ROBO1: variants seen among roughly 807,000 people sequenced by gnomAD.
The protein encoded by ROBO1 is roundabout homolog 1.
In ROBO1, 149 loss-of-function variants were observed where a neutral mutation model predicts 195.9. That is an observed-to-expected ratio of 0.76 (90% CI 0.67 to 0.87). ROBO1 has a LOEUF of 0.87. Among genes scored for constraint, ROBO1 ranks in the 40% least tolerant of loss-of-function variants. The pLI is 0.00. For synonymous variants in ROBO1, 816 were observed against 733.2 expected, an observed-to-expected ratio of 1.11 and a Z score of -1.82; for missense variants, 1,933 against 2,068.3, an observed-to-expected ratio of 0.93 and a Z score of 1.27.
At chr3:79,475,586 GT>G (rs1938509941) in intron 2 of ROBO1, among the ~76,000 whole-genome samples, 1 of 151,968 alleles carries the variant, frequency 6.6e-6, no homozygotes, top group African/African-American at 2.4e-5. Context: ...TTGGAGGAGA[GT>G]ATTTTGGAAT....
chr3:79,290,222 C>T (rs1197260890), intron 2 of ROBO1, among the ~76,000 whole-genome samples: 3 of 151,902 alleles, frequency 2.0e-5, no homozygotes, highest in African/African-American at 7.3e-5. Context: ...TTAGTAGAGA[C>T]AGGGTTTCAC....
At chr3:78,885,412 T>A (rs1328462090) in intron 4 of ROBO1, among the ~76,000 whole-genome samples, 363 of 53,704 alleles carry the variant, frequency 6.8e-3, no homozygotes, top group Middle Eastern at 0.056. Flanking sequence ...AATTTAAAAC[T>A]AAAAAAAAAA....
intron 2 of ROBO1, among the ~76,000 whole-genome samples, chr3:79,314,041 C>T (rs368396237): frequency 1.2e-4 from 18 of 152,084 alleles, no homozygotes; most frequent in African/African-American, 4.1e-4. Flanking sequence ...GAGATATATC[C>T]TAAAGTTCAG....
chr3:78,681,697 G>A (rs550355088), intron 10 of ROBO1, among the ~76,000 whole-genome samples: 2 of 152,228 alleles, frequency 1.3e-5, no homozygotes, highest in South Asian at 2.1e-4. Context: ...GAGGTCAGGA[G>A]ATCAAGACCA....
chr3:79,557,741 A>ATATATATATAT (rs1487088851), intron 2 of ROBO1, among the ~76,000 whole-genome samples: 1 of 105,972 alleles, frequency 9.4e-6, no homozygotes, highest in Non-Finnish European at 1.9e-5. Context: ...AAAACAAAAA[A>ATATATATATAT]AAATATATAT....
chr3:79,576,307 C>T (rs1943484321), intron 2 of ROBO1, among the ~76,000 whole-genome samples: 1 of 151,974 alleles, frequency 6.6e-6, no homozygotes, highest in African/African-American at 2.4e-5. Context: ...TATTTTCAGT[C>T]ATTGACTTCA....
chr3:79,335,427 G>A (rs1450276314), intron 2 of ROBO1, among the ~76,000 whole-genome samples: 1 of 152,054 alleles, frequency 6.6e-6, no homozygotes, highest in Admixed American at 6.5e-5. Flanking sequence ...TGAATCATGG[G>A]GACAGTTTCC....
intron 3 of ROBO1, among the ~76,000 whole-genome samples, chr3:78,982,574 A>C (rs1219906447): frequency 6.6e-6 from 1 of 152,208 alleles, no homozygotes; most frequent in African/African-American, 2.4e-5. Context: ...TGCTGACTTA[A>C]AGTCATTTAC....
At chr3:79,673,253 T>C (rs1022605263) in intron 1 of ROBO1, among the ~76,000 whole-genome samples, 2 of 152,010 alleles carry the variant, frequency 1.3e-5, no homozygotes, top group African/African-American at 4.8e-5. Flanking sequence ...GTTTTAATCA[T>C]GCAGTAACAA....
At chr3:78,764,809 A>C (rs762076887) in intron 4 of ROBO1, among the ~76,000 whole-genome samples, 1 of 152,170 alleles carries the variant, frequency 6.6e-6, no homozygotes, top group African/African-American at 2.4e-5. Context: ...CATAATTGCT[A>C]CCTGTCACAG....
intron 2 of ROBO1, among the ~76,000 whole-genome samples, chr3:79,255,759 T>A (rs1168502476): frequency 1.3e-5 from 2 of 152,096 alleles, no homozygotes; most frequent in Non-Finnish European, 2.9e-5. Flanking sequence ...TAATGTCAAA[T>A]ATTAATCATT....
At chr3:79,639,055 T>C (rs1209359287) in intron 1 of ROBO1, among the ~76,000 whole-genome samples, 6 of 152,216 alleles carry the variant, frequency 3.9e-5, no homozygotes, top group African/African-American at 7.2e-5. Context: ...TTCACTTGCA[T>C]AGCATCAATG....
At chr3:79,588,354 C>T (rs1324589669) in intron 2 of ROBO1, among the ~76,000 whole-genome samples, 2 of 151,566 alleles carry the variant, frequency 1.3e-5, no homozygotes, top group East Asian at 3.9e-4. Context: ...TTCCTTCTTC[C>T]ACTAGACAGA....
chr3:78,955,187 A>G (rs777162384), intron 3 of ROBO1, among the ~76,000 whole-genome samples: 5 of 124,274 alleles, frequency 4.0e-5, no homozygotes, highest in East Asian at 2.5e-4. Flanking sequence ...TAAACTGTGT[A>G]TCATGGGGTT....
intron 2 of ROBO1, among the ~76,000 whole-genome samples, chr3:79,510,293 G>A (rs1940635304): frequency 6.6e-6 from 1 of 152,140 alleles, no homozygotes; most frequent in South Asian, 2.1e-4. Flanking sequence ...GGTATTATGA[G>A]GGGCTTTGCC....
intron 3 of ROBO1, among the ~76,000 whole-genome samples, chr3:78,949,987 CA>C: frequency 6.6e-6 from 1 of 152,154 alleles, no homozygotes; most frequent in African/African-American, 2.4e-5. Context: ...GTTAGAATGG[CA>C]ATCATTAAAA....
At chr3:78,950,822 T>C (rs1247298393) in intron 3 of ROBO1, among the ~76,000 whole-genome samples, 1 of 151,944 alleles carries the variant, frequency 6.6e-6, no homozygotes, top group Non-Finnish European at 1.5e-5. Context: ...GATGAATAAA[T>C]GGAGATATAA....
intron 2 of ROBO1, among the ~76,000 whole-genome samples, chr3:79,153,119 C>T (rs545563345): frequency 7.3e-5 from 11 of 151,512 alleles, no homozygotes; most frequent in South Asian, 4.2e-4. Flanking sequence ...TGAGGGTGAG[C>T]GGGTGGTAGT....
intron 3 of ROBO1, among the ~76,000 whole-genome samples, chr3:78,945,950 G>A (rs113068398): frequency 2.6e-5 from 4 of 151,122 alleles, no homozygotes; most frequent in Non-Finnish European, 5.9e-5. Flanking sequence ...GAAATGAAGC[G>A]AGAAGAGAAG....
Sources: allele counts gnomAD v4.1 joint callset (sites outside exome capture counted in the v4.1 genomes callset), GRCh38; gene constraint gnomAD v4.1.1; transcripts MANE v1.5; gene names NCBI Gene and HGNC (gene_info 2026-07-23, HGNC 2026-07-21).